The following SOCS2 variants were observed in gnomAD, a reference collection of about 807,000 sequenced individuals.
SOCS2 encodes CIS-2.
SOCS2 carries 10 observed loss-of-function variants against 18.6 expected under a neutral mutation model. The ratio of observed to expected loss-of-function variants is 0.54; its 90% confidence interval spans 0.33 to 0.91. The LOEUF (loss-of-function observed/expected upper bound fraction) is 0.91, where lower values mean the gene tolerates loss of function less well. SOCS2 is among the 40% of genes least tolerant of loss of function. SOCS2 has a pLI of 0.02. For missense variants in SOCS2, 231 were observed against 247.2 expected, an observed-to-expected ratio of 0.93 and a Z score of 0.44; for synonymous variants, 104 against 104.0, an observed-to-expected ratio of 1.00 and a Z score of 0.00.
chr12:93,607,045 G>C, the SOCS2 span, among the ~76,000 whole-genome samples: 2 of 152,184 alleles, frequency 1.3e-5, no homozygotes, highest in African/African-American at 4.8e-5. Context: ...ACCTAGACCA[G>C]GGAAATATCA....
At chr12:93,577,533 T>TC (rs1565843471), downstream of SOCS2, among the ~76,000 whole-genome samples, 7 of 151,492 alleles carry the variant, frequency 4.6e-5, no homozygotes, top group East Asian at 1.9e-4. Context: ...TTTTTTTTTT[T>TC]TCCCCCGGGA....
chr12:93,625,712 C>T, the SOCS2 span, among the ~76,000 whole-genome samples: 4 of 142,650 alleles, frequency 2.8e-5, no homozygotes, highest in Non-Finnish European at 6.0e-5. Flanking sequence ...CACGCCACTG[C>T]ACTCCAGCCT....
At chr12:93,573,174 C>A in intron 1 of SOCS2, 138 bp downstream of exon 1, 3 of 1,146,078 alleles carry the variant, frequency 2.6e-6, no homozygotes, top group Non-Finnish European at 3.7e-6. Context: ...GGAGAGCACG[C>A]TCGCAGGGTC....
downstream of SOCS2, among the ~76,000 whole-genome samples, chr12:93,577,001 T>A (rs1024318952): frequency 1.6e-4 from 24 of 152,242 alleles, no homozygotes; most frequent in African/African-American, 5.8e-4. Flanking sequence ...AACACCTGTT[T>A]AGTGTTGGAT....
At chr12:93,585,536 G>A (rs1161339076), downstream of SOCS2, among the ~76,000 whole-genome samples, 4 of 152,152 alleles carry the variant, frequency 2.6e-5, no homozygotes, top group African/African-American at 9.7e-5. Flanking sequence ...TTTGGTGAGC[G>A]GCATGGTGTA....
chr12:93,612,158 C>T, the SOCS2 span, among the ~76,000 whole-genome samples: 3 of 152,176 alleles, frequency 2.0e-5, no homozygotes, highest in Admixed American at 6.5e-5. Flanking sequence ...AACTGCTAAA[C>T]ATGAGACCTG....
At chr12:93,571,682 C>A, upstream of SOCS2, 1 of 267,724 alleles carries the variant, frequency 3.7e-6, no homozygotes, top group Non-Finnish European at 7.5e-6. Flanking sequence ...ATCCTCGAGG[C>A]TTTTGTGTGC....
chr12:93,614,635 T>TTTCTTTCTTTGTTTCTTTC, the SOCS2 span, among the ~76,000 whole-genome samples: 26 of 111,676 alleles, frequency 2.3e-4, no homozygotes, highest in East Asian at 1.1e-3. Context: ...TTCTTTCTTT[T>TTTCTTTCTTTGTTTCTTTC]GATGGAGTCT....
chr12:93,577,590 C>T (rs1185047072), downstream of SOCS2, among the ~76,000 whole-genome samples: 2 of 151,294 alleles, frequency 1.3e-5, no homozygotes, highest in Non-Finnish European at 2.9e-5. Flanking sequence ...CTACATTGAT[C>T]CAGACAAACA....
At chr12:93,624,686 A>G in the SOCS2 span, among the ~76,000 whole-genome samples, 2 of 152,244 alleles carry the variant, frequency 1.3e-5, no homozygotes, top group African/African-American at 4.8e-5. Flanking sequence ...GCACTGTTTT[A>G]TAAGAGCAGA....
chr12:93,621,115 C>G, the SOCS2 span, among the ~76,000 whole-genome samples: 4 of 151,980 alleles, frequency 2.6e-5, no homozygotes, highest in Non-Finnish European at 5.9e-5. Flanking sequence ...GTCCTCGTGA[C>G]TGTTCCAACT....
chr12:93,616,993 C>T, the SOCS2 span, among the ~76,000 whole-genome samples: 1 of 152,190 alleles, frequency 6.6e-6, no homozygotes, highest in Non-Finnish European at 1.5e-5. Flanking sequence ...TACAAGGCTA[C>T]AGAAGAGTCA....
At chr12:93,614,193 G>T in the SOCS2 span, among the ~76,000 whole-genome samples, 1 of 151,924 alleles carries the variant, frequency 6.6e-6, no homozygotes, top group Admixed American at 6.6e-5. Flanking sequence ...ACAGCTCAAT[G>T]AATACTTCTT....
chr12:93,571,834 T>TCCCC, upstream of SOCS2: 1 of 393,774 alleles, frequency 2.5e-6, no homozygotes, highest in Non-Finnish European at 5.0e-6. Context: ...CCTCCCCTTT[T>TCCCC]CCCCCCACCC....
At chr12:93,614,438 C>CCTTCCTTT in the SOCS2 span, among the ~76,000 whole-genome samples, 23 of 52,990 alleles carry the variant, frequency 4.3e-4, 1 homozygote, top group South Asian at 4.1e-3. Context: ...TCCCTTCCTT[C>CCTTCCTTT]CTTCCTTCCT....
At chr12:93,581,898 T>C (rs1268606322) in intron 1 of SOCS2, among the ~76,000 whole-genome samples, 1 of 152,214 alleles carries the variant, frequency 6.6e-6, no homozygotes, top group East Asian at 1.9e-4. Context: ...CACAACAACC[T>C]GATGAGGTAT....
At chr12:93,618,948 G>A in the SOCS2 span, among the ~76,000 whole-genome samples, 1 of 152,106 alleles carries the variant, frequency 6.6e-6, no homozygotes, top group Non-Finnish European at 1.5e-5. Flanking sequence ...GAGTAGCTGG[G>A]CCTGCAGGCA....
chr12:93,589,350 A>T, the SOCS2 span, among the ~76,000 whole-genome samples: 5 of 151,318 alleles, frequency 3.3e-5, no homozygotes, highest in Non-Finnish European at 5.9e-5. Flanking sequence ...CATTCTGGGA[A>T]TTTTTTTTTT....
At chr12:93,590,980 T>C in the SOCS2 span, among the ~76,000 whole-genome samples, 2 of 151,986 alleles carry the variant, frequency 1.3e-5, no homozygotes, top group South Asian at 4.2e-4. Context: ...GCTTTTCCCT[T>C]AACACTAATG....
Sources: allele counts gnomAD v4.1 joint callset (sites outside exome capture counted in the v4.1 genomes callset), GRCh38; gene constraint gnomAD v4.1.1; transcripts MANE v1.5; gene names NCBI Gene and HGNC (gene_info 2026-07-23, HGNC 2026-07-21).